The following OXR1 variants were observed in gnomAD, a reference collection of about 807,000 sequenced individuals.
OXR1 encodes the protein oxidation resistance 1, also known as oxidation resistance protein 1.
OXR1 carries 41 observed loss-of-function variants against 104.6 expected under a neutral mutation model. That is an observed-to-expected ratio of 0.39 (90% CI 0.31 to 0.51). The LOEUF (loss-of-function observed/expected upper bound fraction) is 0.51, where lower values mean the gene tolerates loss of function less well. Among genes scored for constraint, OXR1 ranks in the 20% least tolerant of loss-of-function variants. The pLI is 0.77. For synonymous variants in OXR1, 348 were observed against 348.4 expected (o/e 1.00, Z 0.01); for missense variants, 955 against 1,031.9 (o/e 0.93, Z 1.02).
Position 106,450,916 on chromosome 8 carries a change from G to A in OXR1, c.24-68027G>A, listed in dbSNP as rs571765074. 6.6e-5 allele frequency among the ~76,000 whole-genome samples: 10 copies of A among 152,154 alleles called. No homozygotes were observed. The East Asian group carries it at 1.4e-3, about 21-fold the overall frequency. On this transcript the variant is annotated intron_variant, in intron 2 of 16. Transcript: ENST00000517566. ...AACTTTTCTTGCTTCTAGAACTGAAGCAAATTTGCTAATTTTGTAGTATTC... is the reference window on the plus strand; with the variant it reads ...AACTTTTCTTGCTTCTAGAACTGAAACAAATTTGCTAATTTTGTAGTATTC...
At chr8:106,587,121 GAGAGT>G (rs1436088643) in intron 3 of OXR1, among the ~76,000 whole-genome samples, 1 of 152,042 alleles carries the variant, frequency 6.6e-6, no homozygotes. Context: ...TGATATAGAG[GAGAGT>G]AAAGAGTTTC....
intron 3 of OXR1, among the ~76,000 whole-genome samples, chr8:106,609,868 G>C (rs915882732): frequency 6.6e-6 from 1 of 152,050 alleles, no homozygotes; most frequent in Non-Finnish European, 1.5e-5. Context: ...ACATTTATGA[G>C]AGAAAGAGAA....
At chr8:106,429,733 G>A (rs1819283889) in intron 2 of OXR1, among the ~76,000 whole-genome samples, 1 of 151,816 alleles carries the variant, frequency 6.6e-6, no homozygotes, top group Non-Finnish European at 1.5e-5. Context: ...CAGTTTTGGA[G>A]GGGTATTAGA....
intron 3 of OXR1, among the ~76,000 whole-genome samples, chr8:106,535,197 T>C (rs1257470009): frequency 6.6e-6 from 1 of 152,168 alleles, no homozygotes; most frequent in African/African-American, 2.4e-5. Context: ...TCTCCTGACC[T>C]CGTAGCACGA....
chr8:106,281,206 G>A (rs1049607112), intron 1 of OXR1, among the ~76,000 whole-genome samples: 4 of 152,158 alleles, frequency 2.6e-5, no homozygotes. Context: ...GGAAAAGCCA[G>A]CCCAAGGCCC....
At chr8:106,417,681 C>G (rs1267191058) in intron 2 of OXR1, among the ~76,000 whole-genome samples, 1 of 152,072 alleles carries the variant, frequency 6.6e-6, no homozygotes. Context: ...TAAACAGGAC[C>G]CACTAGGAGT....
At chr8:106,739,886 T>G (rs1001603245) in intron 13 of OXR1, among the ~76,000 whole-genome samples, 32 of 152,180 alleles carry the variant, frequency 2.1e-4, no homozygotes, top group African/African-American at 6.5e-4. Flanking sequence ...TTATGCACAT[T>G]TTTTATTAAG....
chr8:106,604,001 C>A (rs28502602), intron 3 of OXR1, among the ~76,000 whole-genome samples: 1 of 151,848 alleles, frequency 6.6e-6, no homozygotes, highest in Non-Finnish European at 1.5e-5. Flanking sequence ...TGCAGTGAGC[C>A]GAGATAGTGC....
rs1554602300 is a variant in OXR1 at position 106,605,921 on chromosome 8, C to CAATAAAGTGTGGATGATGAT, written c.221-73283_221-73282insGTGTGGATGATGATAATAAA. Among the ~76,000 whole-genome samples, 274 of 148,162 alleles carry CAATAAAGTGTGGATGATGAT rather than the reference C, an allele frequency of 1.8e-3. 1 individual carries two copies. Among genetic ancestry groups the CAATAAAGTGTGGATGATGAT allele is most frequent in the African/African-American group, 6.7e-3 (265 of 39,794 alleles). ...TTCTCTAAGTCTCTATTTTTATTTT[C>CAATAAAGTGTGGATGATGAT]AATAAAATGTGGATGATAATAATAA... On this transcript the variant is annotated intron_variant, in intron 3 of 16. Transcript: ENST00000517566.
chr8:106,277,651 C>T (rs1019897921), intron 1 of OXR1, among the ~76,000 whole-genome samples: 3 of 152,232 alleles, frequency 2.0e-5, no homozygotes, highest in African/African-American at 7.2e-5. Context: ...AGTTGCACTG[C>T]AGTTTCCATT....
At chr8:106,433,089 C>T (rs1369645757) in intron 2 of OXR1, among the ~76,000 whole-genome samples, 5 of 152,090 alleles carry the variant, frequency 3.3e-5, no homozygotes, top group Admixed American at 6.6e-5. Context: ...TGCGCGAGAC[C>T]GGAGTTTTAT....
At chr8:106,704,144 A>C (rs938321564) in intron 8 of OXR1, among the ~76,000 whole-genome samples, 4 of 151,998 alleles carry the variant, frequency 2.6e-5, no homozygotes, top group Non-Finnish European at 5.9e-5. Flanking sequence ...TTAGAGCTGC[A>C]GATAATTCCT....
chr8:106,500,125 A>G (rs1811688269), intron 2 of OXR1, among the ~76,000 whole-genome samples: 1 of 152,236 alleles, frequency 6.6e-6, no homozygotes, highest in Admixed American at 6.5e-5. Flanking sequence ...AAATTACCAA[A>G]GAAATAAAAT....
intron 1 of OXR1, among the ~76,000 whole-genome samples, chr8:106,318,666 G>C (rs576541370): frequency 6.6e-6 from 1 of 152,204 alleles, no homozygotes; most frequent in African/African-American, 2.4e-5. Flanking sequence ...TCTTTCTTCT[G>C]ACTTCTGGCC....
intron 1 of OXR1, among the ~76,000 whole-genome samples, chr8:106,334,904 G>C (rs1002265433): frequency 1.3e-5 from 2 of 151,932 alleles, no homozygotes; most frequent in African/African-American, 4.8e-5. Context: ...TCAGTGGTTC[G>C]GCATTGACTT....
At chr8:106,630,543 T>A (rs572047901) in intron 3 of OXR1, among the ~76,000 whole-genome samples, 1 of 152,304 alleles carries the variant, frequency 6.6e-6, no homozygotes, top group East Asian at 1.9e-4. Flanking sequence ...TTTCTTTGTC[T>A]TTTCACTTAC....
intron 3 of OXR1, among the ~76,000 whole-genome samples, chr8:106,534,848 G>A (rs1814363758): frequency 6.6e-6 from 1 of 152,224 alleles, no homozygotes; most frequent in African/African-American, 2.4e-5. Flanking sequence ...GAGGTTAATA[G>A]GGGGAAGTAA....
intron 3 of OXR1, among the ~76,000 whole-genome samples, chr8:106,566,402 A>G (rs1367479654): frequency 6.6e-6 from 1 of 152,242 alleles, no homozygotes; most frequent in African/African-American, 2.4e-5. Context: ...AAGAAATGCA[A>G]ATCAAAACCA....
At chr8:106,586,592 A>T (rs899958740) in intron 3 of OXR1, among the ~76,000 whole-genome samples, 33 of 152,242 alleles carry the variant, frequency 2.2e-4, no homozygotes, top group African/African-American at 7.2e-4. Flanking sequence ...AGGAGTCTTC[A>T]ATACATGGGT....
Sources: allele counts gnomAD v4.1 joint callset (sites outside exome capture counted in the v4.1 genomes callset), GRCh38; gene constraint gnomAD v4.1.1; transcripts MANE v1.5; gene names NCBI Gene and HGNC (gene_info 2026-07-23, HGNC 2026-07-21).